Variants in GABRA3 observed in about 807,000 individuals in gnomAD.
The protein encoded by GABRA3 is gamma-aminobutyric acid receptor subunit alpha-3.
Under a neutral mutation model 30.1 loss-of-function variants are expected in GABRA3, and 10 were observed. The ratio of observed to expected loss-of-function variants is 0.33; its 90% CI spans 0.20 to 0.56. The LOEUF is 0.56. Among genes scored for constraint, GABRA3 ranks in the 20% least tolerant of loss-of-function variants. GABRA3 has a pLI of 0.89. For synonymous variants in GABRA3, 151 were observed against 146.8 expected (o/e 1.03, Z -0.21); for missense variants, 233 against 392.0 (o/e 0.59, Z 3.42).
chrX:152,308,947 T>A (rs1939759957), intron 3 of GABRA3, among the ~76,000 whole-genome samples: 1 of 111,997 alleles, frequency 8.9e-6, no homozygotes, highest in African/African-American at 3.2e-5. Context: ...AGAACCAAAT[T>A]GATCTAATAG....
At chrX:152,341,771 A>T (rs1940317831) in intron 3 of GABRA3, among the ~76,000 whole-genome samples, 1 of 110,203 alleles carries the variant, frequency 9.1e-6, no homozygotes. Flanking sequence ...CGATCTCTTG[A>T]CCTTGTGATC....
chrX:152,218,836 G>A (rs1045458316), intron 6 of GABRA3, among the ~76,000 whole-genome samples: 4 of 110,902 alleles, frequency 3.6e-5, no homozygotes, highest in Admixed American at 2.9e-4. Context: ...GTTAATTTCC[G>A]GAGTTTGGAG....
intron 7 of GABRA3, among the ~76,000 whole-genome samples, chrX:152,206,670 G>A (rs1937549043): frequency 9.0e-6 from 1 of 111,276 alleles, no homozygotes. Context: ...AGCGCTCCTG[G>A]GACACAGGGA....
chrX:152,417,934 G>T (rs1478453683), intron 1 of GABRA3, among the ~76,000 whole-genome samples: 73 of 100,279 alleles, frequency 7.3e-4, no homozygotes, highest in African/African-American at 2.5e-3. Context: ...TAGATGACGA[G>T]TTAGTGGGTG....
intron 3 of GABRA3, among the ~76,000 whole-genome samples, chrX:152,316,408 G>T (rs1939878769): frequency 8.9e-6 from 1 of 111,793 alleles, no homozygotes. Flanking sequence ...AGGAAGAAAA[G>T]AAATTTAAAA....
intron 7 of GABRA3, among the ~76,000 whole-genome samples, chrX:152,198,949 T>G (rs1177016308): frequency 8.9e-6 from 1 of 111,781 alleles, no homozygotes; most frequent in Non-Finnish European, 1.9e-5. Flanking sequence ...GCAGATGTAG[T>G]TAGTTAAGAT....
At chrX:152,175,241 T>C (rs1036872170) in intron 9 of GABRA3, among the ~76,000 whole-genome samples, 2 of 104,746 alleles carry the variant, frequency 1.9e-5, no homozygotes, top group African/African-American at 3.7e-5. Flanking sequence ...AATCCATCAA[T>C]AGCAATGGAT....
intron 4 of GABRA3, among the ~76,000 whole-genome samples, chrX:152,261,071 C>A (rs1381889368): frequency 3.6e-5 from 4 of 111,164 alleles, no homozygotes; most frequent in Non-Finnish European, 5.7e-5. Flanking sequence ...AAGTGCCAGG[C>A]AAGAGGGGGA....
intron 1 of GABRA3, chrX:152,392,107 C>A: frequency 3.2e-6 from 1 of 315,215 alleles, no homozygotes; most frequent in South Asian, 3.0e-5. Flanking sequence ...GAGCATTGTG[C>A]ACATACACTG....
chrX:152,441,155 G>C (rs935888376), intron 1 of GABRA3, among the ~76,000 whole-genome samples: 2 of 111,245 alleles, frequency 1.8e-5, no homozygotes, highest in Non-Finnish European at 3.8e-5. Context: ...TGGTGGCACC[G>C]GTGGTAGTGG....
At chrX:152,443,551 TAA>T (rs889264218) in intron 1 of GABRA3, among the ~76,000 whole-genome samples, 4 of 111,683 alleles carry the variant, frequency 3.6e-5, no homozygotes, top group Non-Finnish European at 5.7e-5. Flanking sequence ...CTAGCGGATA[TAA>T]GAGTGAACAA....
chrX:152,390,222 T>A (rs1430732073), intron 1 of GABRA3, among the ~76,000 whole-genome samples: 1 of 111,775 alleles, frequency 8.9e-6, no homozygotes, highest in Non-Finnish European at 1.9e-5. Flanking sequence ...GTCAAAGTCA[T>A]CAATCAGATA....
intron 8 of GABRA3, among the ~76,000 whole-genome samples, chrX:152,193,144 G>A (rs1449648513): frequency 9.0e-6 from 1 of 111,442 alleles, no homozygotes; most frequent in Admixed American, 9.6e-5. Flanking sequence ...TTTCTCATAA[G>A]TATCATCTAT....
chrX:152,314,299 C>T (rs1188524280), intron 3 of GABRA3, among the ~76,000 whole-genome samples: 2 of 111,668 alleles, frequency 1.8e-5, no homozygotes, highest in African/African-American at 6.5e-5. Context: ...TCATATATTG[C>T]TCATTTGTAC....
chrX:152,184,422 G>C (rs1937226834), intron 9 of GABRA3, among the ~76,000 whole-genome samples: 1 of 111,067 alleles, frequency 9.0e-6, no homozygotes, highest in Admixed American at 9.7e-5. Flanking sequence ...AGGTAAAGTA[G>C]GTCATTTTGA....
intron 5 of GABRA3, among the ~76,000 whole-genome samples, chrX:152,234,006 T>G (rs1938144599): frequency 1.1e-5 from 1 of 90,389 alleles, no homozygotes; most frequent in South Asian, 6.2e-4. Flanking sequence ...TGGGAACACA[T>G]GGACACAGGA....
chrX:152,288,193 T>C (rs1492302), intron 3 of GABRA3, among the ~76,000 whole-genome samples: 13,117 of 111,237 alleles, frequency 0.12, 648 homozygotes, highest in African/African-American at 0.16. Flanking sequence ...ATATTTGACA[T>C]GACTCCAGTG....
intron 4 of GABRA3, among the ~76,000 whole-genome samples, chrX:152,275,257 A>T (rs865984087): frequency 4.9e-4 from 23 of 46,593 alleles, no homozygotes; most frequent in African/African-American, 3.5e-3. Context: ...ATATAATAAA[A>T]TATATATAAA....
At chrX:152,238,317 C>G (rs1300229241) in intron 5 of GABRA3, among the ~76,000 whole-genome samples, 3 of 96,406 alleles carry the variant, frequency 3.1e-5, no homozygotes, top group Non-Finnish European at 6.0e-5. Flanking sequence ...GTATATTGAA[C>G]CAGCCTTGCA....
Sources: gnomAD v4.1 joint callset for allele counts (sites outside exome capture counted in the v4.1 genomes callset) on GRCh38, gnomAD v4.1.1 for gene constraint, MANE v1.5 for transcripts, NCBI Gene and HGNC (gene_info 2026-07-23, HGNC 2026-07-21) for gene names.